Variants in LRFN2 observed in about 807,000 individuals in gnomAD.
LRFN2 encodes leucine rich repeat and fibronectin type III domain containing 2.
Under a neutral mutation model 37.3 loss-of-function variants are expected in LRFN2, and 18 were observed. The ratio of observed to expected loss-of-function variants is 0.48; its 90% CI spans 0.33 to 0.72. LRFN2 has a LOEUF of 0.72. LRFN2 is among the 30% of genes least tolerant of loss of function. LRFN2 has a pLI of 0.02. For synonymous variants in LRFN2, 556 were observed against 466.6 expected (o/e 1.19, Z -2.47); for missense variants, 1,006 against 1,060.7 (o/e 0.95, Z 0.72).
At chr6:40,536,771 A>T (rs998755032) in intron 1 of LRFN2, among the ~76,000 whole-genome samples, 2 of 152,186 alleles carry the variant, frequency 1.3e-5, no homozygotes, top group African/African-American at 4.8e-5. Flanking sequence ...AGGGCAGCTC[A>T]GAATCTGCAG....
intron 1 of LRFN2, among the ~76,000 whole-genome samples, chr6:40,501,935 A>G (rs1288048843): frequency 6.6e-6 from 1 of 152,194 alleles, no homozygotes; most frequent in Non-Finnish European, 1.5e-5. Context: ...TTTTGTCATT[A>G]GTGACTTCAT....
rs1025907878 is a variant in LRFN2, at chr6:40,521,112, AAG to A, written c.-19+65827_-19+65828del. 7.9e-5 allele frequency among the ~76,000 whole-genome samples: 12 copies of A among 152,158 alleles called. 1 individual carries two copies. The highest frequency in any genetic ancestry group is 2.9e-4 in the African/African-American group (12 of 41,434). On this transcript the variant is annotated intron_variant, in intron 1 of 2. Transcript: ENST00000338305. ...AGAGAGGACTGTGCAGCCGGAAGGA[AAG>A]AGAGAGAGAAGAGGAGGGGACAGGA...
At chr6:40,579,855 A>G (rs1433470487) in intron 1 of LRFN2, among the ~76,000 whole-genome samples, 6 of 118,516 alleles carry the variant, frequency 5.1e-5, no homozygotes, top group African/African-American at 1.7e-4. Flanking sequence ...TAGGCATTCA[A>G]TTAATGCTTG....
chr6:40,527,848 G>T (rs574814189), intron 1 of LRFN2, among the ~76,000 whole-genome samples: 14 of 152,192 alleles, frequency 9.2e-5, no homozygotes, highest in Non-Finnish European at 1.6e-4. Flanking sequence ...TTTGTAGTTT[G>T]GGTCATATAG....
At chr6:40,551,528 A>G (rs1766778134) in intron 1 of LRFN2, among the ~76,000 whole-genome samples, 1 of 152,258 alleles carries the variant, frequency 6.6e-6, no homozygotes, top group Non-Finnish European at 1.5e-5. Context: ...TTTTTCTATT[A>G]TCTGTTGTAA....
At chr6:40,522,626 G>A (rs549741543) in intron 1 of LRFN2, among the ~76,000 whole-genome samples, 2 of 152,276 alleles carry the variant, frequency 1.3e-5, no homozygotes, top group East Asian at 3.9e-4. Context: ...GGCTAGCGAG[G>A]GGACCGTATA....
intron 1 of LRFN2, among the ~76,000 whole-genome samples, chr6:40,545,008 C>T (rs1108293): frequency 0.45 from 68,699 of 151,950 alleles, 16,550 homozygotes; most frequent in African/African-American, 0.62. Flanking sequence ...TCCTGCTTCG[C>T]CATTTACTAG....
intron 1 of LRFN2, among the ~76,000 whole-genome samples, chr6:40,475,021 C>T (rs1335027611): frequency 1.3e-5 from 2 of 152,202 alleles, no homozygotes; most frequent in African/African-American, 4.8e-5. Flanking sequence ...CAGCCACACT[C>T]ACTCTTATGG....
At chr6:40,459,765 G>A (rs537122276) in intron 1 of LRFN2, among the ~76,000 whole-genome samples, 2 of 152,360 alleles carry the variant, frequency 1.3e-5, no homozygotes, top group South Asian at 4.1e-4. Flanking sequence ...ACACAGCAAA[G>A]ACTTGTGGTT....
intron 1 of LRFN2, among the ~76,000 whole-genome samples, chr6:40,526,859 C>T (rs1766264153): frequency 1.3e-5 from 2 of 152,296 alleles, no homozygotes; most frequent in South Asian, 4.2e-4. Flanking sequence ...GCATCACATA[C>T]CTGGGAGACG....
chr6:40,436,691 A>G (rs2113830229), intron 1 of LRFN2, among the ~76,000 whole-genome samples: 2 of 152,204 alleles, frequency 1.3e-5, no homozygotes, highest in East Asian at 3.9e-4. Context: ...GATACATGGA[A>G]GCTTTCCACC....
At chr6:40,539,782 G>A (rs2436751) in intron 1 of LRFN2, among the ~76,000 whole-genome samples, 2 of 152,276 alleles carry the variant, frequency 1.3e-5, no homozygotes, top group East Asian at 3.9e-4. Flanking sequence ...GGGTAGAGAG[G>A]TTTTAGAGGG....
At chr6:40,548,638 A>G (rs1210909339) in intron 1 of LRFN2, among the ~76,000 whole-genome samples, 1 of 152,270 alleles carries the variant, frequency 6.6e-6, no homozygotes, top group African/African-American at 2.4e-5. Context: ...TGAGGCTCCA[A>G]CCAATGCATT....
At chr6:40,572,278 G>A (rs1767203028) in intron 1 of LRFN2, among the ~76,000 whole-genome samples, 1 of 152,166 alleles carries the variant, frequency 6.6e-6, no homozygotes, top group African/African-American at 2.4e-5. Flanking sequence ...GCTTAAAACA[G>A]TGCCCAGCAT....
At position 40,507,086 on chromosome 6, in the gene LRFN2, C is replaced by A. The variant is rs369033739; in HGVS notation, c.-18-73955G>T. On this transcript the variant is annotated intron_variant, in intron 1 of 2. Coordinates refer to ENST00000338305, the MANE Select transcript of LRFN2 (RefSeq NM_020737.3). ...AATGGTATTGATTGTTTCCGCTCCC[C>A]GCGTGGATGACGTCCTCCGCCCTTG... Among the ~76,000 whole-genome samples, 6 of 152,278 alleles carry A rather than the reference C, an allele frequency of 3.9e-5. No individual in the cohort carries two copies. The East Asian group carries it at 9.7e-4, about 24-fold the overall frequency.
chr6:40,464,319 G>A (rs761534778), intron 1 of LRFN2, among the ~76,000 whole-genome samples: 15 of 152,168 alleles, frequency 9.9e-5, no homozygotes, highest in Admixed American at 3.9e-4. Flanking sequence ...ATGCCTTAAA[G>A]TTCATGTGTT....
intron 1 of LRFN2, among the ~76,000 whole-genome samples, chr6:40,535,588 A>G (rs571155479): frequency 6.6e-6 from 1 of 152,128 alleles, no homozygotes; most frequent in Admixed American, 6.5e-5. Flanking sequence ...CCCCATCCAG[A>G]CACATCCTTG....
chr6:40,569,299 G>A (rs1014810136), intron 1 of LRFN2, among the ~76,000 whole-genome samples: 2 of 152,188 alleles, frequency 1.3e-5, no homozygotes, highest in Non-Finnish European at 2.9e-5. Flanking sequence ...CCAAGGGAGA[G>A]TTGGTACATT....
chr6:40,461,648 A>C (rs909491559), intron 1 of LRFN2, among the ~76,000 whole-genome samples: 1 of 151,356 alleles, frequency 6.6e-6, no homozygotes, highest in African/African-American at 2.4e-5. Context: ...GACAGAATAC[A>C]CGAGATAAAT....
Sources: allele counts gnomAD v4.1 joint callset (sites outside exome capture counted in the v4.1 genomes callset), GRCh38; gene constraint gnomAD v4.1.1; transcripts MANE v1.5; gene names NCBI Gene and HGNC (gene_info 2026-07-23, HGNC 2026-07-21).